The following KDM4C variants were observed in gnomAD, a reference collection of about 807,000 sequenced individuals.
KDM4C encodes lysine-specific demethylase 4C.
Under a neutral mutation model 129.3 loss-of-function variants are expected in KDM4C, and 81 were observed. That is an observed-to-expected ratio of 0.63 (90% CI 0.52 to 0.75). The LOEUF is 0.75. Ranked by LOEUF, KDM4C falls within the 30% of genes least tolerant of loss-of-function variation. KDM4C has a pLI of 0.00. For missense variants in KDM4C, 1,457 were observed against 1,304.0 expected, an observed-to-expected ratio of 1.12 and a Z score of -1.81; for synonymous variants, 573 against 456.1, an observed-to-expected ratio of 1.26 and a Z score of -3.26.
chr9:6,778,709 G>A (rs1159601771), intron 1 of KDM4C, among the ~76,000 whole-genome samples: 1 of 151,942 alleles, frequency 6.6e-6, no homozygotes, highest in East Asian at 2.0e-4. Flanking sequence ...GGAGGTTGCA[G>A]TGAGCTGGGA....
At chr9:6,742,904 A>C (rs555267923) in intron 1 of KDM4C, among the ~76,000 whole-genome samples, 70 of 152,180 alleles carry the variant, frequency 4.6e-4, no homozygotes, top group African/African-American at 1.5e-3. Context: ...GGGTCTCACC[A>C]GGAGGCTGAG....
At chr9:6,936,526 C>G (rs1197419759) in intron 8 of KDM4C, among the ~76,000 whole-genome samples, 3 of 152,104 alleles carry the variant, frequency 2.0e-5, no homozygotes, top group African/African-American at 4.8e-5. Flanking sequence ...TTAGGTAATA[C>G]TATTTTAAGA....
chr9:6,996,686 T>G (rs1431384279), intron 12 of KDM4C, among the ~76,000 whole-genome samples: 1 of 152,216 alleles, frequency 6.6e-6, no homozygotes, highest in East Asian at 1.9e-4. Context: ...ATTCCCACCA[T>G]GTGCTAGTGG....
chr9:6,808,215 G>A (rs1475919887), intron 3 of KDM4C, among the ~76,000 whole-genome samples: 7 of 72,080 alleles, frequency 9.7e-5, no homozygotes, highest in Non-Finnish European at 1.5e-4. Context: ...CATTGAGAAC[G>A]GGCCAGGATG....
At chr9:6,786,584 A>G (rs903011588) in intron 1 of KDM4C, among the ~76,000 whole-genome samples, 2 of 152,210 alleles carry the variant, frequency 1.3e-5, no homozygotes, top group African/African-American at 4.8e-5. Flanking sequence ...TTGTTTTAAG[A>G]TATACCTATT....
chr9:6,794,587 G>C (rs1419211107), intron 2 of KDM4C, among the ~76,000 whole-genome samples: 3 of 152,218 alleles, frequency 2.0e-5, no homozygotes, highest in Non-Finnish European at 2.9e-5. Context: ...TGTGGGGGCA[G>C]AGCACAAATA....
chr9:6,737,913 G>A (rs1192008083), intron 1 of KDM4C, among the ~76,000 whole-genome samples: 1 of 151,584 alleles, frequency 6.6e-6, no homozygotes, highest in South Asian at 2.1e-4. Flanking sequence ...GAAGCAGGTG[G>A]ATCACCTGAG....
intron 19 of KDM4C, among the ~76,000 whole-genome samples, chr9:7,135,945 A>G (rs1357211158): frequency 2.6e-5 from 4 of 152,146 alleles, no homozygotes; most frequent in Non-Finnish European, 5.9e-5. Context: ...ATGCAGTTAT[A>G]CTCCCTCACC....
At chr9:6,781,765 T>C (rs1824394145) in intron 1 of KDM4C, among the ~76,000 whole-genome samples, 1 of 152,158 alleles carries the variant, frequency 6.6e-6, no homozygotes, top group Admixed American at 6.6e-5. Context: ...GCTATGCGTG[T>C]CTGTGAATGA....
At chr9:7,010,426 C>T (rs749824700) in intron 12 of KDM4C, among the ~76,000 whole-genome samples, 1 of 152,152 alleles carries the variant, frequency 6.6e-6, no homozygotes, top group African/African-American at 2.4e-5. Context: ...TCCCATTTTG[C>T]CATCAGTGCA....
intron 2 of KDM4C, among the ~76,000 whole-genome samples, chr9:6,799,642 CTTTTTTTTTTTT>C (rs1052629844): frequency 5.8e-5 from 7 of 121,504 alleles, no homozygotes; most frequent in African/African-American, 1.2e-4. Context: ...TTTTTCTTTT[CTTTTTTTTTTTT>C]TTTTTTACAA....
upstream of KDM4C, among the ~76,000 whole-genome samples, chr9:6,753,275 C>T (rs1258853608): frequency 6.6e-6 from 1 of 152,146 alleles, no homozygotes; most frequent in African/African-American, 2.4e-5. Flanking sequence ...TTCTGAAAGT[C>T]TTCCAACTCA....
At chr9:6,788,187 C>T (rs906085083) in intron 1 of KDM4C, among the ~76,000 whole-genome samples, 1 of 152,188 alleles carries the variant, frequency 6.6e-6, no homozygotes, top group Non-Finnish European at 1.5e-5. Flanking sequence ...TATCCCCTTA[C>T]CCTTGGTTCT....
At chr9:6,902,319 G>C (rs1589016273) in intron 8 of KDM4C, among the ~76,000 whole-genome samples, 2 of 152,194 alleles carry the variant, frequency 1.3e-5, no homozygotes, top group East Asian at 3.9e-4. Flanking sequence ...GAGAGTGTTG[G>C]AAAAGAAATA....
At chr9:7,034,875 G>A (rs556341335) in intron 15 of KDM4C, among the ~76,000 whole-genome samples, 2 of 152,126 alleles carry the variant, frequency 1.3e-5, no homozygotes, top group African/African-American at 2.4e-5. Flanking sequence ...ATTCTCACTG[G>A]GGTGAAAGGA....
At chr9:6,753,924 G>A (rs1278430864), upstream of KDM4C, among the ~76,000 whole-genome samples, 1 of 139,290 alleles carries the variant, frequency 7.2e-6, no homozygotes. Context: ...ACCCAGGCTG[G>A]AGTGCAGTGG....
intron 8 of KDM4C, among the ~76,000 whole-genome samples, chr9:6,914,120 C>CTCACT: frequency 6.6e-6 from 1 of 152,162 alleles, no homozygotes; most frequent in Non-Finnish European, 1.5e-5. Flanking sequence ...AGTGCAATGG[C>CTCACT]GTAATCTCGG....
intron 15 of KDM4C, among the ~76,000 whole-genome samples, chr9:7,017,135 C>T (rs952404773): frequency 6.6e-6 from 1 of 152,122 alleles, no homozygotes; most frequent in Non-Finnish European, 1.5e-5. Flanking sequence ...CAAGGTCTCA[C>T]TATGTTGCCC....
chr9:7,033,945 C>CTT (rs1827205177), intron 15 of KDM4C, among the ~76,000 whole-genome samples: 2 of 151,754 alleles, frequency 1.3e-5, no homozygotes, highest in East Asian at 3.9e-4. Flanking sequence ...GGAAAAACTG[C>CTT]AGTGCAGGCA....
Sources: allele counts gnomAD v4.1 joint callset (sites outside exome capture counted in the v4.1 genomes callset), GRCh38; gene constraint gnomAD v4.1.1; transcripts MANE v1.5; gene names NCBI Gene and HGNC (gene_info 2026-07-23, HGNC 2026-07-21).